The following KDM3B variants were observed in gnomAD, a reference collection of about 807,000 sequenced individuals.
KDM3B encodes the protein lysine demethylase 3B.
KDM3B carries 10 observed loss-of-function variants against 170.0 expected under a neutral mutation model. That is an observed-to-expected ratio of 0.06 (90% CI 0.04 to 0.10). KDM3B has a LOEUF of 0.10. KDM3B is among the 10% of genes least tolerant of loss of function. The pLI is 1.00. For missense variants in KDM3B, 1,394 were observed against 2,195.2 expected, an observed-to-expected ratio of 0.64 and a Z score of 7.29; for synonymous variants, 831 against 834.8, an observed-to-expected ratio of 1.00 and a Z score of 0.08.
intron 7 of KDM3B, among the ~76,000 whole-genome samples, chr5:138,387,704 T>A (rs952073758): frequency 1.3e-5 from 2 of 152,210 alleles, no homozygotes; most frequent in Non-Finnish European, 2.9e-5. Context: ...TCCTGTTGGT[T>A]GACCAGCATT....
chr5:138,372,382 T>C (rs900599881), intron 1 of KDM3B, among the ~76,000 whole-genome samples: 6 of 152,168 alleles, frequency 3.9e-5, no homozygotes, highest in African/African-American at 1.4e-4. Context: ...TATGTGTAGA[T>C]ACGAATTAGA....
chr5:138,405,479 A>G (rs1009614740), intron 11 of KDM3B, among the ~76,000 whole-genome samples: 1 of 152,122 alleles, frequency 6.6e-6, no homozygotes, highest in Non-Finnish European at 1.5e-5. Context: ...GCACTCTAGC[A>G]TAGGCAACAG....
chr5:138,379,446 T>G (rs750287623), intron 4 of KDM3B, 138 bp from the exon 5 acceptor site: 23 of 636,664 alleles, frequency 3.6e-5, no homozygotes, highest in Non-Finnish European at 5.3e-5. Context: ...AATCTGGAAT[T>G]GCTCATTTGT....
intron 1 of KDM3B, among the ~76,000 whole-genome samples, chr5:138,360,837 C>G (rs934005274): frequency 6.6e-6 from 1 of 152,210 alleles, no homozygotes; most frequent in African/African-American, 2.4e-5. Context: ...AGTGATCTGT[C>G]TGCCTTGGCC....
intron 17 of KDM3B, among the ~76,000 whole-genome samples, chr5:138,426,478 G>C (rs1763395167): frequency 6.6e-6 from 1 of 150,790 alleles, no homozygotes; most frequent in African/African-American, 2.4e-5. Context: ...GGCAGGCTGA[G>C]CCAGGAGAAT....
intron 7 of KDM3B, among the ~76,000 whole-genome samples, chr5:138,387,376 TAACTC>T (rs1010823555): frequency 2.0e-5 from 3 of 152,158 alleles, no homozygotes; most frequent in South Asian, 2.1e-4. Flanking sequence ...AAACAGCTAT[TAACTC>T]AAGCTAAAAT....
Position 138,427,948 on chromosome 5 carries a change from AT to A in KDM3B, c.4634-15del. 5 of 1,607,964 alleles carry A rather than the reference AT, an allele frequency of 3.1e-6. No homozygotes were observed. The highest frequency in any genetic ancestry group is 4.2e-6 in the Non-Finnish European group (5 of 1,176,960). ...CAAATATTGGCCCTTCACCTTGCAT[AT>A]TTTCCTTTCTCCTTTAGGGTTGATA... is the stretch of plus-strand genomic sequence containing the variant. On this transcript the variant is annotated intron_variant, in intron 19 of 23. Transcript: ENST00000314358.
Position 138,424,375 on chromosome 5 carries a change from C to A in KDM3B, c.4239+34C>A, listed in dbSNP as rs746738811. 1.9e-6 allele frequency: 3 copies of A among 1,595,070 alleles called. No homozygotes were observed. The South Asian group carries it at 3.4e-5, about 18-fold the overall frequency. On this transcript the variant is annotated intron_variant, in intron 16 of 23. Coordinates refer to ENST00000314358, the MANE Select transcript of KDM3B (RefSeq NM_016604.4). Reference sequence around the variant, plus strand: ...GAATAAGTCGTTCCAAGGGCCAATTCTCTGCCTGCCTACCACAGATACCTG... The same window carrying A: ...GAATAAGTCGTTCCAAGGGCCAATTATCTGCCTGCCTACCACAGATACCTG...
In KDM3B at chr5:138,393,233, T is replaced by C; in HGVS notation, c.2692T>C (p.Phe898Leu). ...GAAGCTGAAGCAATCTGGAGAGCCC[T>C]TCCTGCAGGATGGGTCATGCATCAA... ...VKKLKQSGEP[F>L]LQDGSCINVA... The change falls in exon 9 of 24, where the codon TTC becomes CTC. Residue 898 changes from phenylalanine to leucine, a missense_variant. By Grantham distance (22) the Phe-to-Leu change is conservative (BLOSUM62 0). Around this residue, in one of 19 missense-constraint regions of KDM3B, gnomAD observed 76 missense variants for 190.2 expected, o/e 0.40. Transcript: ENST00000314358. 1 of 1,614,194 alleles carries C rather than the reference T, an allele frequency of 6.2e-7. No homozygotes were observed. Among genetic ancestry groups the C allele is most frequent in the Non-Finnish European group, 8.5e-7 (1 of 1,180,004 alleles).
intron 11 of KDM3B, among the ~76,000 whole-genome samples, chr5:138,407,636 A>G (rs748538911): frequency 2.4e-4 from 37 of 152,288 alleles, no homozygotes; most frequent in Non-Finnish European, 5.1e-4. Flanking sequence ...TCAAAACGCA[A>G]CATCTGGTGG....
At chr5:138,381,368 A>G (rs1762120734) in intron 5 of KDM3B, 148 bp from the exon 6 acceptor site, 1 of 590,306 alleles carries the variant, frequency 1.7e-6, no homozygotes, top group Non-Finnish European at 3.0e-6. Context: ...GTAGCAGTAA[A>G]TGAGACAGTA....
In KDM3B at chr5:138,419,229, A is replaced by G. The variant is rs1763189800; in HGVS notation, c.3712A>G (p.Lys1238Glu). The change falls in exon 14 of 24, where the codon AAA (lysine) becomes GAA (glutamate). Residue 1238 changes from lysine to glutamate, a missense_variant. Transcript: ENST00000314358. ...LATQKAKEET[K>E]EAGSLRSVLN... ...AACTCAGAAGGCTAAAGAAGAAACA[A>G]AAGGTGAGATGCACACAAACCTCTG... 5 of 1,612,902 alleles carry G rather than the reference A, an allele frequency of 3.1e-6. No homozygotes were observed. In the East Asian group the frequency reaches 8.9e-5, roughly 29 times the overall value.
rs933486169 is a variant in KDM3B, at chr5:138,372,823, T to C, written c.342T>C (p.Ile114=). ...TTCTCCAGGGCATTCGAGTCTCCAT[T>C]GCACAATGGCCAGCCCTGGTGAGTG... ...PVLLQGIRVS[I]AQWPALTFTP... Residue 114 remains isoleucine (I), a synonymous_variant, in exon 2 of 24, where the codon ATT becomes ATC. Transcript: ENST00000314358. The C allele has an allele frequency of 3.1e-6, 5 of 1,614,054 alleles. No individual in the cohort carries two copies. The highest frequency in any genetic ancestry group is 4.2e-6 in the Non-Finnish European group (5 of 1,179,980).
chr5:138,418,288 C>T (rs1763160635), intron 13 of KDM3B, among the ~76,000 whole-genome samples: 1 of 152,028 alleles, frequency 6.6e-6, no homozygotes. Flanking sequence ...CCATGTTGCT[C>T]AGGCTGGTCT....
In KDM3B at chr5:138,415,123, C is replaced by A. The variant is rs776220639; in HGVS notation, c.3200-9C>A. The A allele has an allele frequency of 9.0e-6, 14 of 1,560,306 alleles. No individual in the cohort carries two copies. The highest frequency in any genetic ancestry group is 1.4e-5 in the African/African-American group (1 of 73,872). On this transcript the variant is annotated splice_polypyrimidine_tract_variant and intron_variant, in intron 11 of 23. Coordinates refer to ENST00000314358, the MANE Select transcript of KDM3B (RefSeq NM_016604.4). ...CCTTATAAAATAAGTGAAATCATTT[C>A]TATTTCAGAGACAGAAGAGATGGGT...
chr5:138,374,596 A>G lies in KDM3B; in HGVS notation c.361-497A>G, dbSNP rs191071509. On this transcript the variant is annotated intron_variant, in intron 2 of 23. Transcript: ENST00000314358. ...AAGGCCACTTTCCAGTTGAACTTTT[A>G]GGAGAAGCTCTTGTATAATAAGTGC... 9.2e-5 allele frequency among the ~76,000 whole-genome samples: 14 copies of G among 152,346 alleles called. No individual in the cohort carries two copies. The East Asian group carries it at 2.5e-3, about 27-fold the overall frequency.
chr5:138,427,874 A>G, intron 19 of KDM3B, 93 bp from the exon 20 acceptor site: 2 of 1,201,674 alleles, frequency 1.7e-6, no homozygotes, highest in Non-Finnish European at 2.4e-6. Flanking sequence ...TACTCATTTA[A>G]CAACACCCTT....
At position 138,413,003 on chromosome 5, in the gene KDM3B, A is replaced by G. The variant is rs143939928; in HGVS notation, c.3200-2129A>G. Among the ~76,000 whole-genome samples the G allele has an allele frequency of 2.0e-3, 300 of 152,346 alleles. 1 individual carries two copies. Among genetic ancestry groups the G allele is most frequent in the African/African-American group, 6.4e-3 (264 of 41,572 alleles). Reference sequence around the variant, plus strand: ...AATATAGTCGATGGCAGGTAAGTACATGGGAAAAATTGTAATTAATTTGGG... The same window carrying G: ...AATATAGTCGATGGCAGGTAAGTACGTGGGAAAAATTGTAATTAATTTGGG... On this transcript the variant is annotated intron_variant, in intron 11 of 23. Transcript: ENST00000314358.
At position 138,352,873 on chromosome 5, in the gene KDM3B, C is replaced by G; in HGVS notation, c.78C>G (p.Ala26=). The G allele has an allele frequency of 7.3e-7, 1 of 1,378,230 alleles. No homozygotes were observed. The highest frequency in any genetic ancestry group is 3.2e-5 in the East Asian group (1 of 30,920). 85.4% of individuals were successfully genotyped at this position (1,378,230 alleles called of 1,614,324 possible). ...LFADTAASAS[A]SAPAAAAASG... is the part of the protein sequence containing the mutation. The stretch of plus-strand genomic sequence containing the variant: ...CGGACACTGCGGCCTCAGCCTCGGC[C>G]TCGGCTCCCGCGGCGGCAGCGGCGA... Residue 26 remains alanine (A), a synonymous_variant, in exon 1 of 24, where the codon GCC becomes GCG. Transcript: ENST00000314358.
Sources: allele counts gnomAD v4.1 joint callset (sites outside exome capture counted in the v4.1 genomes callset), GRCh38; gene constraint gnomAD v4.1.1; regional missense constraint gnomAD v4.1.1; transcripts MANE v1.5; gene names NCBI Gene and HGNC (gene_info 2026-07-23, HGNC 2026-07-21).